MYO18B: variants seen among roughly 807,000 people sequenced by gnomAD.
MYO18B encodes myosin XVIIIB.
In MYO18B, 204 loss-of-function variants were observed where a neutral mutation model predicts 273.0. The ratio of observed to expected loss-of-function variants is 0.75; its 90% CI spans 0.67 to 0.84. The LOEUF is 0.84. Among genes scored for constraint, MYO18B ranks in the 40% least tolerant of loss-of-function variants. The pLI, the probability that MYO18B is intolerant of heterozygous loss-of-function variation, is 0.00. For synonymous variants in MYO18B, 1,330 were observed against 1,305.7 expected (o/e 1.02, Z -0.40); for missense variants, 3,212 against 3,287.6 (o/e 0.98, Z 0.56).
intron 39 of MYO18B, among the ~76,000 whole-genome samples, chr22:25,978,706 C>A (rs1408130422): frequency 6.6e-6 from 1 of 152,216 alleles, no homozygotes; most frequent in East Asian, 1.9e-4. Context: ...GTAATCCCAG[C>A]ACTTTGGGAG....
rs1032998516 is a variant in MYO18B, at chr22:26,026,731, T to G, written c.6757T>G (p.Phe2253Val). Residue 2253 changes from phenylalanine (F) to valine (V), a missense_variant, in exon 43 of 44, where the codon TTC becomes GTC. By Grantham distance (50) the Phe-to-Val change is conservative (BLOSUM62 -1). Transcript: ENST00000335473. ...CAGTCCTTCAGCGGCCCTCTCGGAG[T>G]TCGTGGAAGGGCTCCGGAGGAAGAG... ...LPSPSAALSE[F>V]VEGLRRKRAQ... The G allele has an allele frequency of 3.1e-6, 5 of 1,612,874 alleles. No individual in the cohort carries two copies. The highest frequency in any genetic ancestry group is 4.2e-6 in the Non-Finnish European group (5 of 1,179,612).
chr22:25,743,605 G>A (rs547918570), intron 1 of MYO18B, among the ~76,000 whole-genome samples: 4 of 151,962 alleles, frequency 2.6e-5, no homozygotes, highest in Non-Finnish European at 5.9e-5. Flanking sequence ...GTGGAGGAGG[G>A]AGGAGAAGGA....
intron 29 of MYO18B, chr22:25,900,139 G>C (rs908313150): frequency 6.6e-6 from 1 of 152,204 alleles, no homozygotes; most frequent in Admixed American, 6.5e-5. Flanking sequence ...CCCAAGCAAA[G>C]TTCCTATTTC....
At chr22:25,899,668 C>T (rs541465849) in intron 29 of MYO18B, 4 of 152,328 alleles carry the variant, frequency 2.6e-5, no homozygotes, top group Non-Finnish European at 4.4e-5. Context: ...TGATATCTCA[C>T]TCTGTTCCCC....
intron 36 of MYO18B, among the ~76,000 whole-genome samples, chr22:25,948,455 C>CTTTCTTTCT (rs1569225255): frequency 7.5e-5 from 6 of 80,152 alleles, no homozygotes; most frequent in African/African-American, 2.5e-4. Context: ...TCCTTCCTTC[C>CTTTCTTTCT]TTCCTTCTTT....
intron 1 of MYO18B, among the ~76,000 whole-genome samples, chr22:25,748,573 T>C (rs778067658): frequency 6.6e-6 from 1 of 152,220 alleles, no homozygotes; most frequent in Non-Finnish European, 1.5e-5. Context: ...GGTTTCTCCA[T>C]GTGTAAAGGC....
At chr22:25,845,693 C>G (rs1161372360) in intron 18 of MYO18B, among the ~76,000 whole-genome samples, 1 of 152,222 alleles carries the variant, frequency 6.6e-6, no homozygotes, top group South Asian at 2.1e-4. Flanking sequence ...TGAGTCATTC[C>G]TTCTTGCATG....
intron 10 of MYO18B, among the ~76,000 whole-genome samples, chr22:25,784,162 A>T (rs2087278801): frequency 6.6e-6 from 1 of 152,190 alleles, no homozygotes; most frequent in Admixed American, 6.5e-5. Flanking sequence ...CTGCCAGCGC[A>T]GTCTCCCTTC....
chr22:25,907,384 G>GAAA (rs1298187236), intron 31 of MYO18B, among the ~76,000 whole-genome samples: 2 of 152,212 alleles, frequency 1.3e-5, no homozygotes, highest in Non-Finnish European at 2.9e-5. Context: ...CTCATTCATG[G>GAAA]GATCACAGCT....
At chr22:25,875,122 C>T (rs180802567) in intron 23 of MYO18B, among the ~76,000 whole-genome samples, 19 of 152,240 alleles carry the variant, frequency 1.2e-4, no homozygotes, top group Non-Finnish European at 1.0e-4. Context: ...ATGATGAGAC[C>T]GTGAATAATG....
At chr22:25,921,545 G>A (rs1157864100) in intron 34 of MYO18B, 136 bp downstream of exon 34, 28 of 1,075,952 alleles carry the variant, frequency 2.6e-5, no homozygotes, top group Non-Finnish European at 3.4e-5. Context: ...GGAGATGGGG[G>A]GCATTTCAGG....
In MYO18B at chr22:25,769,267, A is replaced by G; in HGVS notation, c.1351A>G (p.Arg451Gly). Reference protein sequence around the residue: ...RGQEAEEPCSRAGDGAGALET... With the variant: ...RGQEAEEPCSGAGDGAGALET... The stretch of plus-strand genomic sequence containing the variant: ...GCAGGAAGCAGAGGAGCCCTGCTCA[A>G]GAGCAGGTGATGGGGCTGGTGCCCT... The change falls in exon 4 of 44, where the codon AGA (arginine) becomes GGA (glycine). Residue 451 changes from arginine to glycine, a missense_variant. By Grantham distance (125) the Arg-to-Gly change is moderately radical (BLOSUM62 -2). Coordinates refer to ENST00000335473, the MANE Select transcript of MYO18B (RefSeq NM_032608.7). The G allele has an allele frequency of 6.3e-7, 1 of 1,590,474 alleles. No individual in the cohort carries two copies. The highest frequency in any genetic ancestry group is 8.6e-7 in the Non-Finnish European group (1 of 1,168,866).
At chr22:26,057,213 T>C in the MYO18B span, among the ~76,000 whole-genome samples, 1 of 150,778 alleles carries the variant, frequency 6.6e-6, no homozygotes, top group African/African-American at 2.4e-5. Flanking sequence ...TCTGATCATC[T>C]AAAAAAAAAG....
At chr22:25,953,047 G>A (rs570483263) in intron 38 of MYO18B, among the ~76,000 whole-genome samples, 1 of 152,330 alleles carries the variant, frequency 6.6e-6, no homozygotes, top group East Asian at 1.9e-4. Flanking sequence ...AATCAGGAGG[G>A]CTTCTGGGAG....
chr22:25,972,248 A>G (rs952548624), intron 39 of MYO18B, among the ~76,000 whole-genome samples: 1 of 152,102 alleles, frequency 6.6e-6, no homozygotes, highest in Admixed American at 6.5e-5. Flanking sequence ...TGTGACCAGA[A>G]CCCCGATTTG....
At chr22:25,992,810 A>G (rs1024057127) in intron 40 of MYO18B, among the ~76,000 whole-genome samples, 2 of 152,206 alleles carry the variant, frequency 1.3e-5, no homozygotes, top group African/African-American at 4.8e-5. Flanking sequence ...CATCTGTAAA[A>G]TGGGCATAAT....
chr22:25,930,631 C>CTGGCTAATTGTG (rs1320149346), intron 34 of MYO18B, among the ~76,000 whole-genome samples: 1 of 151,788 alleles, frequency 6.6e-6, no homozygotes, highest in African/African-American at 2.4e-5. Context: ...ACCACCACAC[C>CTGGCTAATTGTG]TGGCTAATTG....
At position 25,824,770 on chromosome 22, in the gene MYO18B, C is replaced by G. The variant is rs1378126447; in HGVS notation, c.2695+1092C>G. Among the ~76,000 whole-genome samples, 8 of 151,890 alleles carry G rather than the reference C, an allele frequency of 5.3e-5. No individual in the cohort carries two copies. The East Asian group carries it at 1.6e-3, about 30-fold the overall frequency. On this transcript the variant is annotated intron_variant, in intron 13 of 43. Transcript: ENST00000335473. ...GTGGTTTTCTTGAAGATTACCTCTC[C>G]TCTTCGACATGCACACACATTCCCA...
At position 25,888,544 on chromosome 22, in the gene MYO18B, G is replaced by A. The variant is rs930318779; in HGVS notation, c.4315-2212G>A. 2.8e-4 allele frequency among the ~76,000 whole-genome samples: 42 copies of A among 152,322 alleles called. 1 individual carries two copies. The highest frequency in any genetic ancestry group is 2.5e-3 in the Admixed American group (39 of 15,302). ...GTCAAAGCACTGGGATTACAAACAT[G>A]AGCTATCATGCTCTGCCCTAGAATT... On this transcript the variant is annotated intron_variant, in intron 25 of 43. Coordinates refer to ENST00000335473, the MANE Select transcript of MYO18B (RefSeq NM_032608.7).
Sources: gnomAD v4.1 joint callset for allele counts (sites outside exome capture counted in the v4.1 genomes callset) on GRCh38, gnomAD v4.1.1 for gene constraint, MANE v1.5 for transcripts, NCBI Gene and HGNC (gene_info 2026-07-23, HGNC 2026-07-21) for gene names.